PEX19: variants seen among roughly 807,000 people sequenced by gnomAD.
PEX19 encodes peroxisomal biogenesis factor 19.
A neutral mutation model predicts 36.3 loss-of-function variants in PEX19; 29 were observed. That is an observed-to-expected ratio of 0.80 (90% CI 0.60 to 1.09). PEX19 has a LOEUF of 1.09. PEX19 is among the 50% of genes least tolerant of loss of function. The probability of loss-of-function intolerance (pLI) is 0.00; values close to 1 mark genes in which losing one functional copy is unlikely to be tolerated. For synonymous variants in PEX19, 141 were observed against 135.2 expected, an observed-to-expected ratio of 1.04 and a Z score of -0.30; for missense variants, 396 against 368.1, an observed-to-expected ratio of 1.08 and a Z score of -0.62.
At chr1:160,284,727 C>CTGCTG (rs1221048553) in intron 1 of PEX19, among the ~76,000 whole-genome samples, 1 of 152,182 alleles carries the variant, frequency 6.6e-6, no homozygotes, top group Non-Finnish European at 1.5e-5. Flanking sequence ...GAACCAAATG[C>CTGCTG]TGCTGCTGCT....
chr1:160,282,557 C>G, intron 3 of PEX19, 55 bp from the exon 4 acceptor site: 2 of 1,346,856 alleles, frequency 1.5e-6, no homozygotes, highest in East Asian at 2.3e-5. Flanking sequence ...CTTGCCTAGA[C>G]TGAACTGGTT....
chr1:160,283,250 T>C (rs1657858268), intron 2 of PEX19, 141 bp from the exon 3 acceptor site: 1 of 951,620 alleles, frequency 1.1e-6, no homozygotes, highest in African/African-American at 1.6e-5. Flanking sequence ...CTACTGCTCC[T>C]AATGAGGATA....
chr1:160,277,187 G>A lies in PEX19; in HGVS notation c.*2364C>T, dbSNP rs1217777502. 4.4e-6 allele frequency: 2 copies of A among 455,778 alleles called. No homozygotes were observed. The highest frequency in any genetic ancestry group is 3.1e-5 in the South Asian group (2 of 64,534). The allele number at this position is 455,778 out of a possible 1,614,324, so 28.2% of individuals were successfully genotyped here. A position where few individuals can be genotyped will look rare whatever the true frequency, so the allele number is the denominator to read the frequency against. Reference sequence around the variant, plus strand: ...AAAGATGATCTGCAGACTTGTGCTGGTCAGTGAACACCTTTTTTTTTTTTT... The same window carrying A: ...AAAGATGATCTGCAGACTTGTGCTGATCAGTGAACACCTTTTTTTTTTTTT... On this transcript the variant is annotated 3_prime_UTR_variant, in exon 8 of 8. Transcript: ENST00000368072.
chr1:160,278,099 G>C lies in PEX19; in HGVS notation c.*1452C>G. ...AGAGACTTATCTTCTGAGTGAACCA[G>C]GACAGCCAGCTGAGCTGACCAGAGT... On this transcript the variant is annotated 3_prime_UTR_variant, in exon 8 of 8. Coordinates refer to ENST00000368072, the MANE Select transcript of PEX19 (RefSeq NM_002857.4). 1 of 702,514 alleles carries C rather than the reference G, an allele frequency of 1.4e-6. No homozygotes were observed. Among genetic ancestry groups the C allele is most frequent in the Non-Finnish European group, 2.6e-6 (1 of 384,974 alleles). 43.5% of individuals were successfully genotyped at this position (702,514 alleles called of 1,614,324 possible).
rs1272607089 is a variant in PEX19, at chr1:160,279,595, A to C, written c.856T>G (p.Ser286Ala). The change falls in exon 8 of 8, where the codon TCG becomes GCG. Residue 286 changes from serine to alanine, a missense_variant. By Grantham distance (99) the Ser-to-Ala change is moderately conservative (BLOSUM62 1). Coordinates refer to ENST00000368072, the MANE Select transcript of PEX19 (RefSeq NM_002857.4). ...LNFDLDALNL[S>A]GPPGASGEQC... ...TCACCACTGGCACCTGGTGGGCCCG[A>C]AAGATTGAGGGCATCCAGGTCAAAG... 1.7e-5 allele frequency: 27 copies of C among 1,614,074 alleles called. No individual in the cohort carries two copies. The highest frequency in any genetic ancestry group is 2.7e-5 in the African/African-American group (2 of 74,922).
rs754144821 is a variant in PEX19 at position 160,279,556 on chromosome 1, T to A, written c.895A>T (p.Met299Leu). ...PGASGEQCLI[M>L] Reference sequence around the variant, plus strand: ...AGAGGAAAACGTGTTGTGTTTCACATGATCAGACACTGTTCACCACTGGCA... The same window carrying A: ...AGAGGAAAACGTGTTGTGTTTCACAAGATCAGACACTGTTCACCACTGGCA... Residue 299 changes from methionine (M) to leucine (L), a missense_variant, in exon 8 of 8, where the codon ATG (methionine) becomes TTG (leucine). Met to Leu is a conservative substitution (Grantham distance 15). Coordinates refer to ENST00000368072, the MANE Select transcript of PEX19 (RefSeq NM_002857.4). 1.9e-6 allele frequency: 3 copies of A among 1,613,498 alleles called. No individual in the cohort carries two copies. Among genetic ancestry groups the A allele is most frequent in the Non-Finnish European group, 2.5e-6 (3 of 1,179,512 alleles).
At chr1:160,282,257 C>T in intron 4 of PEX19, 57 bp from the exon 5 acceptor site, 2 of 1,574,872 alleles carry the variant, frequency 1.3e-6, no homozygotes, top group Non-Finnish European at 8.7e-7. Flanking sequence ...ATGCTCACCA[C>T]TCTCTCAGGT....
At position 160,278,359 on chromosome 1, in the gene PEX19, C is replaced by A; in HGVS notation, c.*1192G>T. 1 of 685,390 alleles carries A rather than the reference C, an allele frequency of 1.5e-6. No homozygotes were observed. Among genetic ancestry groups the A allele is most frequent in the Non-Finnish European group, 2.7e-6 (1 of 376,112 alleles). The allele number at this position is 685,390 out of a possible 1,614,324, so 42.5% of individuals were successfully genotyped here. A position where few individuals can be genotyped will look rare whatever the true frequency, so the allele number is the denominator to read the frequency against. On this transcript the variant is annotated 3_prime_UTR_variant, in exon 8 of 8. Transcript: ENST00000368072. ...TCTCCTTTGCCAACTGAGGTGCAGA[C>A]TGAGTTGTGGAAGGTGGGTGTTGAT...
chr1:160,277,709 AC>A lies in PEX19; in HGVS notation c.*1841del, dbSNP rs1172706998. On this transcript the variant is annotated 3_prime_UTR_variant, in exon 8 of 8. Transcript: ENST00000368072. ...AAAGAAAACTGGTAGGACAGAAGGC[AC>A]AAGGTTCATAGAGAAGGGCTCTTTT... is the stretch of plus-strand genomic sequence containing the variant. 6.6e-6 allele frequency: 3 copies of A among 457,524 alleles called. No homozygotes were observed. Among genetic ancestry groups the A allele is most frequent in the Non-Finnish European group, 1.3e-5 (3 of 229,202 alleles). 28.3% of individuals were successfully genotyped at this position (457,524 alleles called of 1,614,324 possible). A position where few individuals can be genotyped will look rare whatever the true frequency, so the allele number is the denominator to read the frequency against.
At position 160,283,627 on chromosome 1, in the gene PEX19, T is replaced by A; in HGVS notation, c.83A>T (p.Asp28Val). The change falls in exon 2 of 8, where the codon GAT (aspartate) becomes GTT (valine). Residue 28 changes from aspartate to valine, a missense_variant. Physicochemically the swap from Asp to Val is radical, Grantham distance 152 (BLOSUM62 -3). Transcript: ENST00000368072. ...LEELLESALD[D>V]FDKAKPSPAP... ...TGGGGAGGGTTTGGCTTTATCGAAA[T>A]CATCAAGAGCACCTTCAGAGACAAG... 1 of 1,613,584 alleles carries A rather than the reference T, an allele frequency of 6.2e-7. No homozygotes were observed. The highest frequency in any genetic ancestry group is 8.5e-7 in the Non-Finnish European group (1 of 1,179,528).
Position 160,283,640 on chromosome 1 carries a change from C to T in PEX19, c.71-1G>A, listed in dbSNP as rs113593415. 1 of 1,610,094 alleles carries T rather than the reference C, an allele frequency of 6.2e-7. No individual in the cohort carries two copies. Among genetic ancestry groups the T allele is most frequent in the Admixed American group, 1.7e-5 (1 of 60,014 alleles). On this transcript the variant is annotated splice_acceptor_variant, in intron 1 of 7. Coordinates refer to ENST00000368072, the MANE Select transcript of PEX19 (RefSeq NM_002857.4). LOFTEE classifies it high-confidence loss of function. ...GCTTTATCGAAATCATCAAGAGCAC[C>T]TTCAGAGACAAGAGACATGGTGTGT...
chr1:160,281,255 G>A (rs1428499088), intron 5 of PEX19: 1 of 152,340 alleles, frequency 6.6e-6, no homozygotes, highest in Non-Finnish European at 1.5e-5. Flanking sequence ...AGGCTGTGGT[G>A]AGCCAAGATC....
chr1:160,283,134 G>A (rs2101804983), intron 2 of PEX19, 25 bp from the exon 3 acceptor site: 1 of 1,611,974 alleles, frequency 6.2e-7, no homozygotes, highest in Non-Finnish European at 8.5e-7. Context: ...TGGCTGAAAT[G>A]CGTCTCTTAC....
In PEX19 at chr1:160,282,526, C is replaced by T. The variant is rs150659183; in HGVS notation, c.347-24G>A. 204 of 1,583,290 alleles carry T rather than the reference C, an allele frequency of 1.3e-4. 1 individual carries two copies. In the Middle Eastern group the frequency reaches 2.2e-3, roughly 17 times the overall value. On this transcript the variant is annotated intron_variant, in intron 3 of 7. Coordinates refer to ENST00000368072, the MANE Select transcript of PEX19 (RefSeq NM_002857.4). Reference sequence around the variant, plus strand: ...GCCTAGGAGAGATTAAAAAAGCCAGCGTCATTTAGGAGTTTGTTTCCTTGC... The same window carrying T: ...GCCTAGGAGAGATTAAAAAAGCCAGTGTCATTTAGGAGTTTGTTTCCTTGC...
At position 160,282,169 on chromosome 1, in the gene PEX19, T is replaced by C. The variant is rs755087556; in HGVS notation, c.464A>G (p.Lys155Arg). 6.2e-7 allele frequency: 1 copy of C among 1,614,174 alleles called. No homozygotes were observed. The highest frequency in any genetic ancestry group is 1.1e-5 in the South Asian group (1 of 91,076). ...GTCCATGCCTAGCCCCTCCATGGCC[T>C]TGGTCAGCTCTTCTTCCGACATGCT... ...NSSMSEEELT[K>R]AMEGLGMDEG... Residue 155 changes from lysine to arginine, a missense_variant, in exon 5 of 8, where the codon AAG (lysine) becomes AGG (arginine). Coordinates refer to ENST00000368072, the MANE Select transcript of PEX19 (RefSeq NM_002857.4).
chr1:160,284,228 A>G (rs1390565944), intron 1 of PEX19: 3 of 469,186 alleles, frequency 6.4e-6, no homozygotes, highest in Non-Finnish European at 1.3e-5. Flanking sequence ...ATCTCTGCAG[A>G]TAACCGTACA....
chr1:160,281,531 G>A (rs1046364289), intron 5 of PEX19, among the ~76,000 whole-genome samples: 1 of 152,130 alleles, frequency 6.6e-6, no homozygotes, highest in African/African-American at 2.4e-5. Flanking sequence ...GCTGCCTCCT[G>A]AGTAGTTGCG....
At chr1:160,283,173 T>C (rs892371724) in intron 2 of PEX19, 64 bp from the exon 3 acceptor site, 17 of 1,555,364 alleles carry the variant, frequency 1.1e-5, no homozygotes, top group South Asian at 4.5e-5. Context: ...TGGCCTCTGA[T>C]AGAAGCCACA....
chr1:160,283,261 G>T, intron 2 of PEX19, 152 bp from the exon 3 acceptor site: 1 of 883,066 alleles, frequency 1.1e-6, no homozygotes, highest in Non-Finnish European at 1.8e-6. Context: ...AATGAGGATA[G>T]CAAAAAAGGT....
Sources: gnomAD v4.1 joint callset for allele counts (sites outside exome capture counted in the v4.1 genomes callset) on GRCh38, gnomAD v4.1.1 for gene constraint, MANE v1.5 for transcripts, NCBI Gene and HGNC (gene_info 2026-07-23, HGNC 2026-07-21) for gene names.